Variants in IGF2BP2 observed in about 807,000 individuals in gnomAD.
IGF2BP2 encodes insulin-like growth factor 2 mRNA-binding protein 2.
A neutral mutation model predicts 75.8 loss-of-function variants in IGF2BP2; 17 were observed. The ratio of observed to expected loss-of-function variants is 0.22; its 90% CI spans 0.15 to 0.34. The LOEUF (loss-of-function observed/expected upper bound fraction) is 0.34, where lower values mean the gene tolerates loss of function less well. Ranked by LOEUF, IGF2BP2 falls within the 10% of genes least tolerant of loss-of-function variation. The probability of loss-of-function intolerance (pLI) is 1.00; values close to 1 mark genes in which losing one functional copy is unlikely to be tolerated. For missense variants in IGF2BP2, 516 were observed against 772.4 expected, an observed-to-expected ratio of 0.67 and a Z score of 3.93; for synonymous variants, 288 against 295.6, an observed-to-expected ratio of 0.97 and a Z score of 0.26.
At chr3:185,662,285 C>G (rs1268423377) in intron 10 of IGF2BP2, among the ~76,000 whole-genome samples, 1 of 151,984 alleles carries the variant, frequency 6.6e-6, no homozygotes, top group Non-Finnish European at 1.5e-5. Context: ...CAAGACCAGC[C>G]TGGCCAACAT....
Position 185,807,905 on chromosome 3 carries a change from GA to G in IGF2BP2, c.239+15247del, listed in dbSNP as rs542383314. On this transcript the variant is annotated intron_variant, in intron 2 of 15. Transcript: ENST00000382199. ...GATGGCAGCTTGACTGCCATCTCCT[GA>G]AAGATGATGAGTCAGAACAATCCAG... 2.0e-3 allele frequency among the ~76,000 whole-genome samples: 307 copies of G among 152,302 alleles called. 1 individual carries two copies. The highest frequency in any genetic ancestry group is 6.8e-3 in the African/African-American group (281 of 41,562).
At chr3:185,735,733 T>C (rs991407402) in intron 2 of IGF2BP2, among the ~76,000 whole-genome samples, 15 of 152,186 alleles carry the variant, frequency 9.9e-5, no homozygotes, top group Admixed American at 9.2e-4. Flanking sequence ...TAGCATCTCC[T>C]AATCCCACAT....
intron 11 of IGF2BP2, among the ~76,000 whole-genome samples, chr3:185,657,896 G>A (rs193086274): frequency 1.3e-5 from 2 of 152,284 alleles, no homozygotes; most frequent in East Asian, 1.9e-4. Context: ...AGGAAGATGG[G>A]GTGAACCATC....
chr3:185,695,345 GTA>G (rs1408997836), intron 4 of IGF2BP2, among the ~76,000 whole-genome samples: 1 of 152,138 alleles, frequency 6.6e-6, no homozygotes, highest in Non-Finnish European at 1.5e-5. Flanking sequence ...TTCAGCTTAC[GTA>G]TGACTCTGCT....
intron 11 of IGF2BP2, among the ~76,000 whole-genome samples, 172 bp from the exon 12 acceptor site, chr3:185,657,574 G>A (rs572851314): frequency 6.6e-6 from 1 of 152,362 alleles, no homozygotes; most frequent in East Asian, 1.9e-4. Context: ...CTCTGCAGGT[G>A]TGAAGCCTGA....
chr3:185,790,609 TA>T (rs1736518042), intron 2 of IGF2BP2, among the ~76,000 whole-genome samples: 1 of 152,222 alleles, frequency 6.6e-6, no homozygotes, highest in African/African-American at 2.4e-5. Flanking sequence ...CTTTCCTTCC[TA>T]AAATTGTTTT....
intron 7 of IGF2BP2, among the ~76,000 whole-genome samples, chr3:185,676,703 A>G (rs191303312): frequency 6.8e-6 from 1 of 147,224 alleles, no homozygotes; most frequent in African/African-American, 2.5e-5. Flanking sequence ...ATATATATAT[A>G]TTTACTGGAG....
intron 2 of IGF2BP2, among the ~76,000 whole-genome samples, chr3:185,799,272 C>T (rs1028389670): frequency 6.6e-6 from 1 of 151,992 alleles, no homozygotes; most frequent in Non-Finnish European, 1.5e-5. Context: ...GTGTCATGTG[C>T]CTGTAGTCGC....
intron 2 of IGF2BP2, among the ~76,000 whole-genome samples, chr3:185,748,543 T>C (rs973511607): frequency 3.9e-5 from 6 of 152,210 alleles, no homozygotes; most frequent in Non-Finnish European, 7.3e-5. Flanking sequence ...AACCAGCAAA[T>C]TGTAGACCAG....
At chr3:185,805,588 A>C (rs975072707) in intron 2 of IGF2BP2, among the ~76,000 whole-genome samples, 2 of 152,098 alleles carry the variant, frequency 1.3e-5, no homozygotes, top group Non-Finnish European at 2.9e-5. Flanking sequence ...AAAGTTGTTG[A>C]GGAAAACTGA....
intron 4 of IGF2BP2, among the ~76,000 whole-genome samples, chr3:185,696,114 C>T (rs368326451): frequency 2.0e-5 from 3 of 152,066 alleles, no homozygotes; most frequent in East Asian, 1.9e-4. Context: ...TATAGATTCA[C>T]GAGCTCTTCC....
intron 12 of IGF2BP2, among the ~76,000 whole-genome samples, chr3:185,653,386 C>G (rs964359248): frequency 1.3e-5 from 2 of 151,980 alleles, no homozygotes; most frequent in Admixed American, 6.6e-5. Context: ...TTTGGGAGAC[C>G]GAGATGGACA....
At chr3:185,814,709 A>T (rs1246987690) in intron 2 of IGF2BP2, among the ~76,000 whole-genome samples, 1 of 152,188 alleles carries the variant, frequency 6.6e-6, no homozygotes, top group South Asian at 2.1e-4. Flanking sequence ...AAAACCTCTT[A>T]TATATCTCAT....
chr3:185,667,855 G>A (rs1170136088), intron 10 of IGF2BP2, among the ~76,000 whole-genome samples: 1 of 152,100 alleles, frequency 6.6e-6, no homozygotes, highest in Non-Finnish European at 1.5e-5. Flanking sequence ...AAGTCTATTG[G>A]TATCATTTGT....
intron 10 of IGF2BP2, among the ~76,000 whole-genome samples, chr3:185,670,249 T>C (rs1718310602): frequency 1.3e-5 from 2 of 152,222 alleles, no homozygotes; most frequent in African/African-American, 4.8e-5. Flanking sequence ...GCTTTCCAAC[T>C]AGCAAAACCT....
At chr3:185,698,251 G>A in intron 3 of IGF2BP2, 48 bp downstream of exon 3, 1 of 1,517,196 alleles carries the variant, frequency 6.6e-7, no homozygotes, top group Non-Finnish European at 9.2e-7. Context: ...TGGAACTAAA[G>A]AAGGGAGAAA....
chr3:185,685,302 T>C (rs1045639421), intron 7 of IGF2BP2, among the ~76,000 whole-genome samples: 4 of 151,026 alleles, frequency 2.6e-5, no homozygotes, highest in Non-Finnish European at 5.9e-5. Context: ...TGAGCCAAGA[T>C]CATGCCATTG....
chr3:185,684,202 G>A (rs1720785954), intron 7 of IGF2BP2, among the ~76,000 whole-genome samples: 1 of 152,016 alleles, frequency 6.6e-6, no homozygotes, highest in Non-Finnish European at 1.5e-5. Context: ...TAAATATTTG[G>A]TAAATGAACA....
At chr3:185,791,350 G>C (rs1172008821) in intron 2 of IGF2BP2, among the ~76,000 whole-genome samples, 1 of 152,276 alleles carries the variant, frequency 6.6e-6, no homozygotes, top group Non-Finnish European at 1.5e-5. Context: ...AGCTACTTGG[G>C]AGGCTGAGGC....
Sources: gnomAD v4.1 joint callset for allele counts (sites outside exome capture counted in the v4.1 genomes callset) on GRCh38, gnomAD v4.1.1 for gene constraint, MANE v1.5 for transcripts, NCBI Gene and HGNC (gene_info 2026-07-23, HGNC 2026-07-21) for gene names.